Variants in NSUN7 observed in about 807,000 individuals in gnomAD.
The protein encoded by NSUN7 is protein NSUN7.
Under a neutral mutation model 58.5 loss-of-function variants are expected in NSUN7, and 39 were observed. That is an observed-to-expected ratio of 0.67 (90% CI 0.52 to 0.87). The LOEUF is 0.87. Ranked by LOEUF, NSUN7 falls within the 40% of genes least tolerant of loss-of-function variation. NSUN7 has a pLI of 0.00. For synonymous variants in NSUN7, 278 were observed against 303.7 expected (o/e 0.92, Z 0.88); for missense variants, 765 against 844.1 (o/e 0.91, Z 1.16).
intron 10 of NSUN7, among the ~76,000 whole-genome samples, chr4:40,799,261 T>G (rs534059928): frequency 6.6e-6 from 1 of 151,996 alleles, no homozygotes; most frequent in South Asian, 2.1e-4. Flanking sequence ...AATTTTTGTA[T>G]TTTTAGTAGA....
chr4:40,801,989 T>C (rs551862937), intron 10 of NSUN7, among the ~76,000 whole-genome samples: 47 of 152,274 alleles, frequency 3.1e-4, no homozygotes, highest in African/African-American at 1.1e-3. Flanking sequence ...GTTTTCCTTA[T>C]GGATTCTACA....
chr4:40,788,250 CTT>C (rs1380127471), intron 7 of NSUN7, among the ~76,000 whole-genome samples: 3 of 152,178 alleles, frequency 2.0e-5, no homozygotes, highest in African/African-American at 4.8e-5. Context: ...TGGGTACACT[CTT>C]TTGGAGTTCA....
chr4:40,771,008 A>G (rs1741982306), intron 4 of NSUN7, among the ~76,000 whole-genome samples: 1 of 152,168 alleles, frequency 6.6e-6, no homozygotes, highest in Non-Finnish European at 1.5e-5. Flanking sequence ...CCGAGATTGC[A>G]CCACTGCACT....
intron 7 of NSUN7, among the ~76,000 whole-genome samples, chr4:40,788,867 T>C (rs1018974636): frequency 6.6e-6 from 1 of 152,210 alleles, no homozygotes; most frequent in Non-Finnish European, 1.5e-5. Context: ...GTGGGAATAG[T>C]GGCTGCTCTC....
intron 7 of NSUN7, chr4:40,786,054 A>C: frequency 2.0e-6 from 3 of 1,524,676 alleles, no homozygotes; most frequent in Non-Finnish European, 2.6e-6. Context: ...TACCAGGAGA[A>C]GTTCTAAAGC....
At chr4:40,795,329 A>C (rs746128683) in intron 9 of NSUN7, among the ~76,000 whole-genome samples, 25 of 152,314 alleles carry the variant, frequency 1.6e-4, no homozygotes, top group Middle Eastern at 3.4e-3. Context: ...AAAAATAAGT[A>C]AATAGAAAGC....
chr4:40,750,531 A>G (rs1185097418), intron 1 of NSUN7, 72 bp from the exon 2 acceptor site: 12 of 711,684 alleles, frequency 1.7e-5, no homozygotes, highest in African/African-American at 7.3e-5. Context: ...CTTTAAGGCC[A>G]CAACGAAGGG....
intron 4 of NSUN7, 78 bp from the exon 5 acceptor site, chr4:40,774,187 A>AT (rs1234552002): frequency 1.8e-5 from 23 of 1,265,340 alleles, no homozygotes; most frequent in Non-Finnish European, 2.5e-5. Context: ...TCTAAATGTA[A>AT]TTTTTTAGAG....
chr4:40,750,378 A>G, intron 1 of NSUN7, 78 bp downstream of exon 1: 1 of 260,808 alleles, frequency 3.8e-6, no homozygotes, highest in South Asian at 6.1e-5. Flanking sequence ...CTGCCCCCAG[A>G]CTGGCTTGAG....
chr4:40,757,685 C>A (rs1487716118), intron 2 of NSUN7, among the ~76,000 whole-genome samples: 1 of 139,470 alleles, frequency 7.2e-6, no homozygotes, highest in Non-Finnish European at 1.5e-5. Context: ...TATATATATA[C>A]ACACTGTGTA....
chr4:40,763,765 C>A (rs1741574329), intron 4 of NSUN7, among the ~76,000 whole-genome samples: 1 of 152,162 alleles, frequency 6.6e-6, no homozygotes, highest in African/African-American at 2.4e-5. Flanking sequence ...ATGCTACTAC[C>A]TGCCTTAACA....
intron 2 of NSUN7, among the ~76,000 whole-genome samples, chr4:40,753,422 TG>T (rs1176006163): frequency 6.6e-6 from 1 of 151,998 alleles, no homozygotes; most frequent in African/African-American, 2.4e-5. Flanking sequence ...AAGTGGCACC[TG>T]CCACCACGCC....
intron 8 of NSUN7, among the ~76,000 whole-genome samples, 176 bp downstream of exon 8, chr4:40,790,921 ACCAAT>A (rs1321477120): frequency 6.6e-6 from 1 of 152,194 alleles, no homozygotes; most frequent in African/African-American, 2.4e-5. Flanking sequence ...TAATCCTTAC[ACCAAT>A]CCAATAGACC....
intron 11 of NSUN7, among the ~76,000 whole-genome samples, chr4:40,807,701 C>T (rs571426774): frequency 6.6e-6 from 1 of 152,042 alleles, no homozygotes; most frequent in East Asian, 1.9e-4. Context: ...CTGCCACCCC[C>T]ACCTCCCCAA....
In NSUN7 at chr4:40,774,341, CCAG is replaced by C; in HGVS notation, c.566_568del (p.Pro189_Glu190delinsGln). On this transcript the variant is annotated inframe_deletion, in exon 5 of 12. Transcript: ENST00000381782. ...TGCCCTTTCAATTTACCACATCCTT[CCAG>C]AAACAGTTAGGAAACAGGAACTAAG... The C allele has an allele frequency of 6.2e-7, 1 of 1,613,842 alleles. No individual in the cohort carries two copies. Among genetic ancestry groups the C allele is most frequent in the Non-Finnish European group, 8.5e-7 (1 of 1,179,750 alleles).
intron 4 of NSUN7, among the ~76,000 whole-genome samples, chr4:40,770,347 C>A (rs1244611469): frequency 6.6e-6 from 1 of 152,102 alleles, no homozygotes; most frequent in Non-Finnish European, 1.5e-5. Flanking sequence ...GATGGTATAA[C>A]CTACTGCACA....
At chr4:40,806,357 G>A (rs1743807746) in intron 10 of NSUN7, among the ~76,000 whole-genome samples, 1 of 152,068 alleles carries the variant, frequency 6.6e-6, no homozygotes, top group South Asian at 2.1e-4. Context: ...GTGTTTAATT[G>A]CTTTAACTTA....
intron 4 of NSUN7, among the ~76,000 whole-genome samples, chr4:40,766,695 G>A (rs1460725971): frequency 1.3e-5 from 2 of 152,174 alleles, no homozygotes; most frequent in East Asian, 1.9e-4. Context: ...GAATTCGGCT[G>A]TGAATCCATC....
chr4:40,808,695 G>T lies in NSUN7; in HGVS notation c.1913G>T (p.Arg638Leu). The T allele has an allele frequency of 6.4e-7, 1 of 1,551,268 alleles. No homozygotes were observed. Among genetic ancestry groups the T allele is most frequent in the Non-Finnish European group, 8.7e-7 (1 of 1,146,982 alleles). Residue 638 changes from arginine to leucine, a missense_variant, in exon 12 of 12, where the codon CGG becomes CTG. Physicochemically the swap from Arg to Leu is moderately radical, Grantham distance 102 (BLOSUM62 -2). Coordinates refer to ENST00000381782, the MANE Select transcript of NSUN7 (RefSeq NM_024677.6). The part of the protein sequence containing the change: ...RERQTHFLRP[R>L]PEDRMVALKP... Reference sequence around the variant, plus strand: ...CGGCAGACACACTTCTTAAGACCTCGGCCAGAAGACAGAATGGTTGCTCTG... The same window carrying T: ...CGGCAGACACACTTCTTAAGACCTCTGCCAGAAGACAGAATGGTTGCTCTG...
Sources: allele counts gnomAD v4.1 joint callset (sites outside exome capture counted in the v4.1 genomes callset), GRCh38; gene constraint gnomAD v4.1.1; transcripts MANE v1.5; gene names NCBI Gene and HGNC (gene_info 2026-07-23, HGNC 2026-07-21).